The following ELMO1 variants were observed in gnomAD, a reference collection of about 807,000 sequenced individuals.
ELMO1 encodes the protein engulfment and cell motility protein 1.
In ELMO1, 26 loss-of-function variants were observed where a neutral mutation model predicts 98.9. That is an observed-to-expected ratio of 0.26 (90% CI 0.19 to 0.36). The LOEUF is 0.36. Among genes scored for constraint, ELMO1 ranks in the 10% least tolerant of loss-of-function variants. The pLI is 1.00. For synonymous variants in ELMO1, 346 were observed against 346.0 expected, an observed-to-expected ratio of 1.00 and a Z score of 0.00; for missense variants, 627 against 935.2, an observed-to-expected ratio of 0.67 and a Z score of 4.30.
chr7:37,292,817 C>T (rs1797800511), intron 4 of ELMO1, among the ~76,000 whole-genome samples: 1 of 112,048 alleles, frequency 8.9e-6, no homozygotes, highest in Admixed American at 8.2e-5. Flanking sequence ...GCCCGGCCAG[C>T]CGCCCTGTCC....
intron 1 of ELMO1, among the ~76,000 whole-genome samples, chr7:37,424,159 T>A (rs1222035082): frequency 6.6e-6 from 1 of 152,180 alleles, no homozygotes; most frequent in African/African-American, 2.4e-5. Flanking sequence ...ATGGTCTTCA[T>A]CAGCCATAAA....
chr7:36,971,829 A>G (rs547841517), intron 16 of ELMO1, among the ~76,000 whole-genome samples: 2 of 152,216 alleles, frequency 1.3e-5, no homozygotes, highest in Non-Finnish European at 2.9e-5. Context: ...GATTAATAGG[A>G]CATGCTAGCT....
chr7:36,925,062 C>A (rs1376611084), intron 16 of ELMO1, among the ~76,000 whole-genome samples: 1 of 152,076 alleles, frequency 6.6e-6, no homozygotes, highest in Non-Finnish European at 1.5e-5. Flanking sequence ...ACACGTTGTA[C>A]AATGCACAGG....
intron 7 of ELMO1, among the ~76,000 whole-genome samples, chr7:37,240,122 TC>T (rs1443396624): frequency 2.0e-5 from 3 of 147,770 alleles, no homozygotes; most frequent in African/African-American, 7.5e-5. Context: ...CACTGCAACC[TC>T]CACCTCCCTA....
intron 15 of ELMO1, among the ~76,000 whole-genome samples, chr7:37,026,631 C>G (rs1050456716): frequency 6.6e-6 from 1 of 152,126 alleles, no homozygotes; most frequent in African/African-American, 2.4e-5. Flanking sequence ...TAATTTATAC[C>G]TCTGTGTCAA....
At chr7:37,183,558 AAGAG>A (rs879514741) in intron 13 of ELMO1, among the ~76,000 whole-genome samples, 2 of 56,852 alleles carry the variant, frequency 3.5e-5, no homozygotes, top group Non-Finnish European at 7.4e-5. Context: ...CAGGACCCAG[AAGAG>A]AGAGAGAGAA....
At chr7:36,923,776 T>C (rs1785325160) in intron 16 of ELMO1, among the ~76,000 whole-genome samples, 1 of 152,182 alleles carries the variant, frequency 6.6e-6, no homozygotes. Flanking sequence ...CTACAGGTAT[T>C]GGGCAGAAAA....
intron 16 of ELMO1, among the ~76,000 whole-genome samples, chr7:36,972,769 A>ACTATAT (rs958367471): frequency 2.0e-5 from 3 of 152,162 alleles, no homozygotes; most frequent in African/African-American, 7.2e-5. Flanking sequence ...TATCTATATA[A>ACTATAT]CTATATCTAT....
chr7:37,428,883 G>A (rs1389458427), intron 1 of ELMO1, among the ~76,000 whole-genome samples: 1 of 152,234 alleles, frequency 6.6e-6, no homozygotes, highest in Admixed American at 6.5e-5. Context: ...GGCAGAGTGT[G>A]TAGCTCAGTG....
chr7:37,182,379 A>C (rs1189155776), intron 13 of ELMO1, among the ~76,000 whole-genome samples: 2 of 152,028 alleles, frequency 1.3e-5, no homozygotes, highest in African/African-American at 4.8e-5. Flanking sequence ...AGAAAATGGC[A>C]GCAGAACAGC....
chr7:37,258,334 AG>A (rs1393745560), intron 6 of ELMO1, among the ~76,000 whole-genome samples: 1 of 152,020 alleles, frequency 6.6e-6, no homozygotes, highest in East Asian at 1.9e-4. Context: ...CCAGCTACTC[AG>A]GAGGCTGAGG....
chr7:36,905,417 C>G (rs1044007350), intron 16 of ELMO1, among the ~76,000 whole-genome samples: 2 of 152,120 alleles, frequency 1.3e-5, no homozygotes, highest in African/African-American at 4.8e-5. Context: ...TCCCTAGGAG[C>G]TCCCCAAAAT....
At chr7:37,153,155 C>T (rs1011421137) in intron 13 of ELMO1, among the ~76,000 whole-genome samples, 2 of 152,160 alleles carry the variant, frequency 1.3e-5, no homozygotes, top group Admixed American at 6.5e-5. Flanking sequence ...TAAGAATAGA[C>T]TTACGGGTCA....
chr7:37,303,781 T>G (rs1022139805), intron 4 of ELMO1, among the ~76,000 whole-genome samples: 1 of 152,216 alleles, frequency 6.6e-6, no homozygotes, highest in Non-Finnish European at 1.5e-5. Context: ...CTGGAGAACA[T>G]GGAATGATCA....
At chr7:36,867,610 G>C (rs189346363) in intron 20 of ELMO1, among the ~76,000 whole-genome samples, 1 of 151,800 alleles carries the variant, frequency 6.6e-6, no homozygotes, top group Non-Finnish European at 1.5e-5. Context: ...ATTGATTTTC[G>C]TTCTTTCTTC....
At chr7:37,325,948 C>G (rs1233341283) in intron 2 of ELMO1, among the ~76,000 whole-genome samples, 1 of 152,190 alleles carries the variant, frequency 6.6e-6, no homozygotes, top group Non-Finnish European at 1.5e-5. Flanking sequence ...AACAGTTCTA[C>G]TCTTCTTCCA....
chr7:37,231,865 T>G (rs1794192405), intron 8 of ELMO1, among the ~76,000 whole-genome samples: 1 of 152,158 alleles, frequency 6.6e-6, no homozygotes, highest in Non-Finnish European at 1.5e-5. Flanking sequence ...TTTTTTTTAC[T>G]TTTTTGAGAC....
chr7:37,280,517 T>C (rs1007730341), intron 4 of ELMO1, among the ~76,000 whole-genome samples: 7 of 149,534 alleles, frequency 4.7e-5, no homozygotes, highest in African/African-American at 1.5e-4. Context: ...AAAAAAAAAA[T>C]CCCATCAAAA....
intron 4 of ELMO1, among the ~76,000 whole-genome samples, chr7:37,301,246 G>A (rs1798326592): frequency 6.6e-6 from 1 of 150,430 alleles, no homozygotes; most frequent in South Asian, 2.1e-4. Context: ...GGAAAGGAAG[G>A]AAAAACAATC....
Sources: gnomAD v4.1 joint callset for allele counts (sites outside exome capture counted in the v4.1 genomes callset) on GRCh38, gnomAD v4.1.1 for gene constraint, MANE v1.5 for transcripts, NCBI Gene and HGNC (gene_info 2026-07-23, HGNC 2026-07-21) for gene names.